Variants in NRCAM observed in about 807,000 individuals in gnomAD.
NRCAM encodes the protein neuronal cell adhesion molecule, also known as NgCAM-related cell adhesion molecule.
NRCAM carries 83 observed loss-of-function variants against 156.5 expected under a neutral mutation model. That is an observed-to-expected ratio of 0.53 (90% CI 0.44 to 0.64). NRCAM has a LOEUF of 0.64. Ranked by LOEUF, NRCAM falls within the 30% of genes least tolerant of loss-of-function variation. The probability of loss-of-function intolerance (pLI) is 0.00; values close to 1 mark genes in which losing one functional copy is unlikely to be tolerated. For synonymous variants in NRCAM, 538 were observed against 563.9 expected (o/e 0.95, Z 0.65); for missense variants, 1,417 against 1,597.3 (o/e 0.89, Z 1.92).
intron 27 of NRCAM, 23 bp downstream of exon 27, chr7:108,176,407 G>T: frequency 6.3e-7 from 1 of 1,594,894 alleles, no homozygotes. Flanking sequence ...TAATTATATG[G>T]ATTTTATACA....
At chr7:108,164,143 T>G (rs1457368585) in intron 30 of NRCAM, among the ~76,000 whole-genome samples, 2 of 62,870 alleles carry the variant, frequency 3.2e-5, no homozygotes, top group Non-Finnish European at 5.6e-5. Flanking sequence ...CCGGGTGGGG[T>G]GGCGGTAATG....
At chr7:108,335,378 C>G (rs989132251) in intron 2 of NRCAM, among the ~76,000 whole-genome samples, 1 of 149,096 alleles carries the variant, frequency 6.7e-6, no homozygotes, top group African/African-American at 2.5e-5. Flanking sequence ...AGAGTGGAAA[C>G]TTCCCTTCCA....
At position 108,197,951 on chromosome 7, in the gene NRCAM, C is replaced by A; in HGVS notation, c.1351+5G>T. 1 of 1,558,056 alleles carries A rather than the reference C, an allele frequency of 6.4e-7. No individual in the cohort carries two copies. The highest frequency in any genetic ancestry group is 1.2e-5 in the South Asian group (1 of 81,036). ...TGCCATGTCTTTAATAAAATGAGAG[C>A]TTACCCAGCACATTTACAAATGCGT... On this transcript the variant is annotated splice_donor_5th_base_variant and intron_variant, in intron 14 of 32. Transcript: ENST00000379028.
chr7:108,176,067 ATGTG>A (rs765694335), intron 27 of NRCAM, among the ~76,000 whole-genome samples: 25 of 152,212 alleles, frequency 1.6e-4, no homozygotes, highest in African/African-American at 4.1e-4. Flanking sequence ...GTGTATGCAT[ATGTG>A]TGTATTATGT....
intron 4 of NRCAM, among the ~76,000 whole-genome samples, chr7:108,238,069 T>C (rs1395484206): frequency 6.6e-6 from 1 of 152,216 alleles, no homozygotes; most frequent in African/African-American, 2.4e-5. Context: ...ATTCCATATA[T>C]GTTGTGTTGG....
intron 3 of NRCAM, among the ~76,000 whole-genome samples, chr7:108,309,581 G>T (rs943769618): frequency 6.6e-6 from 1 of 152,148 alleles, no homozygotes; most frequent in Non-Finnish European, 1.5e-5. Flanking sequence ...AATTGGCCAG[G>T]CATGGTGGCT....
chr7:108,437,604 A>G (rs1833779755), intron 1 of NRCAM, among the ~76,000 whole-genome samples: 1 of 152,150 alleles, frequency 6.6e-6, no homozygotes, highest in African/African-American at 2.4e-5. Flanking sequence ...CAAAACAAAA[A>G]ACAACGGAGG....
rs370057780 is a variant in NRCAM, at chr7:108,406,022, C to T, written c.-331-6429G>A. On this transcript the variant is annotated intron_variant, in intron 1 of 32. Transcript: ENST00000379028. ...TAAGAAGCCAGTCCCCAAGGGACTG[C>T]TGTGTTCCCAGGAATTCAGAAGTGG... is the stretch of plus-strand genomic sequence containing the variant. 2.3e-4 allele frequency among the ~76,000 whole-genome samples: 35 copies of T among 151,430 alleles called. No homozygotes were observed. The East Asian group carries it at 6.4e-3, about 28-fold the overall frequency.
chr7:108,293,454 A>G (rs1378597608), intron 3 of NRCAM, among the ~76,000 whole-genome samples: 1 of 152,134 alleles, frequency 6.6e-6, no homozygotes, highest in Non-Finnish European at 1.5e-5. Flanking sequence ...AGAGAATTGC[A>G]AAAAAACATT....
chr7:108,424,213 C>T (rs1283046245), intron 1 of NRCAM, among the ~76,000 whole-genome samples: 1 of 152,186 alleles, frequency 6.6e-6, no homozygotes, highest in Non-Finnish European at 1.5e-5. Flanking sequence ...GGTTTCCTAC[C>T]AGGAGTGGGG....
rs2096676051 is a variant in NRCAM, at chr7:108,256,629, AAAAC to A, written c.-106-16463_-106-16460del. Among the ~76,000 whole-genome samples the A allele has an allele frequency of 2.6e-5, 4 of 152,294 alleles. No individual in the cohort carries two copies. The East Asian group carries it at 5.8e-4, about 22-fold the overall frequency. On this transcript the variant is annotated intron_variant, in intron 3 of 32. Transcript: ENST00000379028. ...ACCCAAGAATGATCAATAAATACTA[AAAAC>A]AAACAACAACAAAAAAAACAACTAT...
intron 1 of NRCAM, among the ~76,000 whole-genome samples, chr7:108,426,077 G>C (rs983760714): frequency 6.6e-6 from 1 of 152,244 alleles, no homozygotes; most frequent in Non-Finnish European, 1.5e-5. Flanking sequence ...AGAGAGTACA[G>C]TGAATGACTC....
At chr7:108,330,992 A>ATATCCT (rs1392353301) in intron 2 of NRCAM, among the ~76,000 whole-genome samples, 1 of 152,180 alleles carries the variant, frequency 6.6e-6, no homozygotes, top group Non-Finnish European at 1.5e-5. Context: ...TTTAACCATT[A>ATATCCT]TATCCTTATA....
At chr7:108,442,825 C>G (rs746839336) in intron 1 of NRCAM, among the ~76,000 whole-genome samples, 1 of 152,230 alleles carries the variant, frequency 6.6e-6, no homozygotes, top group Non-Finnish European at 1.5e-5. Flanking sequence ...GTACTCTCTG[C>G]TCCTGTCTAG....
chr7:108,342,691 A>G (rs1031680995), intron 2 of NRCAM, among the ~76,000 whole-genome samples: 1 of 152,224 alleles, frequency 6.6e-6, no homozygotes, highest in African/African-American at 2.4e-5. Flanking sequence ...CCTGCAACCC[A>G]TGGCATACCT....
chr7:108,350,043 C>A (rs780200524), intron 2 of NRCAM, among the ~76,000 whole-genome samples: 1 of 152,188 alleles, frequency 6.6e-6, no homozygotes, highest in Non-Finnish European at 1.5e-5. Context: ...CTATCAAATT[C>A]TCTCCTGTCT....
chr7:108,374,129 G>A lies in NRCAM; in HGVS notation c.-174+25307C>T, dbSNP rs1197938775. Among the ~76,000 whole-genome samples the A allele has an allele frequency of 7.9e-5, 12 of 152,076 alleles. No homozygotes were observed. The South Asian group carries it at 2.5e-3, about 32-fold the overall frequency. On this transcript the variant is annotated intron_variant, in intron 2 of 32. Coordinates refer to ENST00000379028, the MANE Select transcript of NRCAM (RefSeq NM_001037132.4). ...TCCTACTGACATAACCTAATACTTA[G>A]TACTGAAAGGCTATTCCTGAAAAGT...
chr7:108,295,781 G>A (rs1446955202), intron 3 of NRCAM, among the ~76,000 whole-genome samples: 1 of 152,228 alleles, frequency 6.6e-6, no homozygotes, highest in African/African-American at 2.4e-5. Context: ...CCATCTTCAT[G>A]AGTGGAGAAC....
At chr7:108,183,329 C>T (rs114283393) in intron 22 of NRCAM, among the ~76,000 whole-genome samples, 1,589 of 152,188 alleles carry the variant, frequency 0.01, 29 homozygotes, top group African/African-American at 0.036. Flanking sequence ...AAAGGCTAGC[C>T]TGTCATTCTG....
Sources: gnomAD v4.1 joint callset for allele counts (sites outside exome capture counted in the v4.1 genomes callset) on GRCh38, gnomAD v4.1.1 for gene constraint, MANE v1.5 for transcripts, NCBI Gene and HGNC (gene_info 2026-07-23, HGNC 2026-07-21) for gene names.